CDK14: variants seen among roughly 807,000 people sequenced by gnomAD.
The protein encoded by CDK14 is cyclin-dependent kinase 14.
CDK14 carries 34 observed loss-of-function variants against 60.7 expected under a neutral mutation model. The ratio of observed to expected loss-of-function variants is 0.56; its 90% CI spans 0.43 to 0.75. CDK14 has a LOEUF of 0.75. CDK14 is among the 30% of genes least tolerant of loss of function. The pLI, the probability that CDK14 is intolerant of heterozygous loss-of-function variation, is 0.00. For missense variants in CDK14, 482 were observed against 564.1 expected (o/e 0.85, Z 1.47); for synonymous variants, 197 against 203.7 (o/e 0.97, Z 0.28).
chr7:91,044,821 C>T (rs555659029), intron 10 of CDK14, among the ~76,000 whole-genome samples: 1 of 152,210 alleles, frequency 6.6e-6, no homozygotes, highest in South Asian at 2.1e-4. Context: ...ACATACAGTC[C>T]CTGTGGAAGA....
chr7:90,596,760 C>T, intron 1 of CDK14, 42 bp downstream of exon 1: 1 of 1,512,170 alleles, frequency 6.6e-7, no homozygotes, highest in Non-Finnish European at 9.1e-7. Flanking sequence ...CGCCCGCTCC[C>T]CTCGGCCTGC....
At chr7:90,742,540 T>C (rs931302624) in intron 3 of CDK14, among the ~76,000 whole-genome samples, 29 of 152,172 alleles carry the variant, frequency 1.9e-4, no homozygotes, top group Middle Eastern at 3.4e-3. Flanking sequence ...ATCATGTTTA[T>C]AATACTTTTG....
intron 10 of CDK14, among the ~76,000 whole-genome samples, chr7:91,014,109 T>A (rs922701446): frequency 6.6e-6 from 1 of 152,124 alleles, no homozygotes; most frequent in Non-Finnish European, 1.5e-5. Flanking sequence ...TTACCAGAAT[T>A]CACATTCAGT....
At chr7:91,007,729 C>CT (rs1288694412) in intron 10 of CDK14, among the ~76,000 whole-genome samples, 1 of 151,496 alleles carries the variant, frequency 6.6e-6, no homozygotes, top group Non-Finnish European at 1.5e-5. Flanking sequence ...GTAAACTGTT[C>CT]TTTTTTTCTG....
intron 14 of CDK14, among the ~76,000 whole-genome samples, chr7:91,120,497 T>C (rs1799747585): frequency 6.6e-6 from 1 of 152,190 alleles, no homozygotes; most frequent in African/African-American, 2.4e-5. Flanking sequence ...ACAAATATTT[T>C]TTCTATGACG....
chr7:90,671,991 C>T (rs1327791488), intron 2 of CDK14, among the ~76,000 whole-genome samples: 3 of 152,132 alleles, frequency 2.0e-5, no homozygotes, highest in Non-Finnish European at 2.9e-5. Flanking sequence ...CAGTTATCTT[C>T]GCAGTAGTGA....
At chr7:91,204,345 A>C (rs1183415288) in intron 14 of CDK14, among the ~76,000 whole-genome samples, 1 of 152,206 alleles carries the variant, frequency 6.6e-6, no homozygotes, top group African/African-American at 2.4e-5. Flanking sequence ...ATAGGGGTAA[A>C]TCTTCATAAC....
chr7:90,642,988 C>T (rs968966145), intron 2 of CDK14, among the ~76,000 whole-genome samples: 1 of 152,142 alleles, frequency 6.6e-6, no homozygotes, highest in Admixed American at 6.5e-5. Flanking sequence ...GGCTTAGTTT[C>T]GCACTCAGAA....
At chr7:90,740,123 G>C (rs1313711518) in intron 3 of CDK14, among the ~76,000 whole-genome samples, 8 of 122,834 alleles carry the variant, frequency 6.5e-5, no homozygotes, top group African/African-American at 2.4e-4. Context: ...GTGGAACCAA[G>C]TTAAATTCCT....
chr7:90,922,973 G>A (rs199933169), intron 8 of CDK14, among the ~76,000 whole-genome samples: 1 of 151,956 alleles, frequency 6.6e-6, no homozygotes, highest in East Asian at 1.9e-4. Flanking sequence ...GGTTATACAT[G>A]TGTTAAATTG....
intron 5 of CDK14, among the ~76,000 whole-genome samples, chr7:90,846,547 C>A (rs1790475860): frequency 6.6e-6 from 1 of 152,082 alleles, no homozygotes; most frequent in African/African-American, 2.4e-5. Flanking sequence ...CTAAGCAGTA[C>A]CCCAGATTCT....
intron 4 of CDK14, among the ~76,000 whole-genome samples, chr7:90,755,185 T>C (rs761892126): frequency 2.0e-5 from 3 of 152,196 alleles, no homozygotes; most frequent in Non-Finnish European, 4.4e-5. Flanking sequence ...ACAGCACTAT[T>C]CACGATAGCA....
intron 6 of CDK14, among the ~76,000 whole-genome samples, chr7:90,899,070 A>G (rs1377640447): frequency 6.6e-6 from 1 of 151,882 alleles, no homozygotes; most frequent in Non-Finnish European, 1.5e-5. Flanking sequence ...TAATATATAG[A>G]AATATTTAAC....
At chr7:90,901,528 A>G (rs1320800686) in intron 7 of CDK14, among the ~76,000 whole-genome samples, 2 of 152,142 alleles carry the variant, frequency 1.3e-5, no homozygotes, top group African/African-American at 4.8e-5. Context: ...CCTCACAACT[A>G]GTGAAATCTT....
intron 9 of CDK14, among the ~76,000 whole-genome samples, chr7:90,966,935 C>T (rs1794769336): frequency 6.6e-6 from 1 of 152,086 alleles, no homozygotes; most frequent in Admixed American, 6.5e-5. Context: ...CTTGTGCCTT[C>T]TCGTAGAGTT....
intron 9 of CDK14, among the ~76,000 whole-genome samples, chr7:90,970,243 G>A (rs1794883958): frequency 6.6e-6 from 1 of 152,162 alleles, no homozygotes; most frequent in African/African-American, 2.4e-5. Context: ...CGGGATTAAA[G>A]GTGTGAGCCA....
chr7:90,912,905 C>T (rs1403544758), intron 7 of CDK14, among the ~76,000 whole-genome samples: 1 of 152,136 alleles, frequency 6.6e-6, no homozygotes, highest in African/African-American at 2.4e-5. Flanking sequence ...AGCCACTGCC[C>T]CGGGCCTGAT....
At chr7:90,987,350 A>G (rs1267160805) in intron 10 of CDK14, among the ~76,000 whole-genome samples, 1 of 152,034 alleles carries the variant, frequency 6.6e-6, no homozygotes, top group Non-Finnish European at 1.5e-5. Flanking sequence ...GAGACCCTCA[A>G]ATGCAGATAA....
At chr7:90,840,329 T>C (rs1242091036) in intron 5 of CDK14, among the ~76,000 whole-genome samples, 1 of 152,232 alleles carries the variant, frequency 6.6e-6, no homozygotes, top group Non-Finnish European at 1.5e-5. Context: ...TTACTTGTTA[T>C]TTGATCCATA....
Sources: gnomAD v4.1 joint callset for allele counts (sites outside exome capture counted in the v4.1 genomes callset) on GRCh38, gnomAD v4.1.1 for gene constraint, MANE v1.5 for transcripts, NCBI Gene and HGNC (gene_info 2026-07-23, HGNC 2026-07-21) for gene names.